The following SLC8A1 variants were observed in gnomAD, a reference collection of about 807,000 sequenced individuals.
The protein encoded by SLC8A1 is solute carrier family 8 member A1, also known as sodium/calcium exchanger 1.
SLC8A1 carries 18 observed loss-of-function variants against 68.3 expected under a neutral mutation model. The observed-to-expected ratio is 0.26, with a 90% CI of 0.18 to 0.39. SLC8A1 has a LOEUF of 0.39. SLC8A1 is among the 10% of genes least tolerant of loss of function. The probability of loss-of-function intolerance (pLI) is 1.00; values close to 1 mark genes in which losing one functional copy is unlikely to be tolerated. For synonymous variants in SLC8A1, 475 were observed against 415.5 expected, an observed-to-expected ratio of 1.14 and a Z score of -1.74; for missense variants, 985 against 1,156.7, an observed-to-expected ratio of 0.85 and a Z score of 2.15.
chr2:40,349,058 T>G (rs1459392488), intron 2 of SLC8A1, among the ~76,000 whole-genome samples: 2 of 152,160 alleles, frequency 1.3e-5, no homozygotes, highest in Non-Finnish European at 2.9e-5. Flanking sequence ...GCACACAGCT[T>G]CAAGGGCTTC....
intron 1 of SLC8A1, among the ~76,000 whole-genome samples, chr2:40,441,876 A>G (rs551281329): frequency 7.9e-4 from 121 of 152,260 alleles, no homozygotes; most frequent in African/African-American, 2.7e-3. Flanking sequence ...TCATGACTAC[A>G]TCACCAAAAG....
chr2:40,427,258 C>T (rs2149775541), intron 2 of SLC8A1, among the ~76,000 whole-genome samples: 1 of 152,096 alleles, frequency 6.6e-6, no homozygotes, highest in South Asian at 2.1e-4. Context: ...CTCTGCCCAT[C>T]CCCTCCCCCT....
In SLC8A1 at chr2:40,402,919, G is replaced by T. The variant is rs149671059; in HGVS notation, c.1808+25554C>A. Among the ~76,000 whole-genome samples the T allele has an allele frequency of 5.3e-4, 81 of 152,276 alleles. No homozygotes were observed. The East Asian group carries it at 0.012, about 23-fold the overall frequency. On this transcript the variant is annotated intron_variant, in intron 2 of 7. Transcript: ENST00000406785. ...AGCTACCAACACAATTGTGCCATTT[G>T]ATTTTTTATTTGTGACTTACTGTTC...
chr2:40,184,443 T>G (rs1295105490), intron 2 of SLC8A1, among the ~76,000 whole-genome samples: 1 of 152,122 alleles, frequency 6.6e-6, no homozygotes, highest in African/African-American at 2.4e-5. Flanking sequence ...TGTTTTCCCC[T>G]CTCAAGAAAT....
At chr2:40,161,261 C>T (rs547089417) in intron 5 of SLC8A1, among the ~76,000 whole-genome samples, 8 of 152,176 alleles carry the variant, frequency 5.3e-5, no homozygotes, top group South Asian at 2.1e-4. Context: ...TGCGAATAGC[C>T]GGAAGTGACA....
At chr2:40,122,880 C>T (rs35424315) in intron 7 of SLC8A1, among the ~76,000 whole-genome samples, 3,659 of 152,142 alleles carry the variant, frequency 0.024, 51 homozygotes, top group Non-Finnish European at 0.04. Context: ...GGAGGTGCCC[C>T]GGGCTTAGTT....
intron 1 of SLC8A1, among the ~76,000 whole-genome samples, chr2:40,443,096 G>A (rs1028173288): frequency 2.6e-5 from 4 of 152,012 alleles, no homozygotes; most frequent in African/African-American, 9.7e-5. Context: ...ACACACTGGG[G>A]CTTTCTGAGG....
intron 2 of SLC8A1, among the ~76,000 whole-genome samples, chr2:40,300,208 T>A (rs1197260657): frequency 6.6e-6 from 1 of 152,166 alleles, no homozygotes; most frequent in East Asian, 1.9e-4. Flanking sequence ...CCATATTAAA[T>A]ATATGCCAAG....
At chr2:40,256,322 G>T (rs534279585) in intron 2 of SLC8A1, among the ~76,000 whole-genome samples, 1 of 152,064 alleles carries the variant, frequency 6.6e-6, no homozygotes, top group Non-Finnish European at 1.5e-5. Flanking sequence ...TTCTAATGGG[G>T]TTACTCTAAT....
intron 2 of SLC8A1, among the ~76,000 whole-genome samples, chr2:40,395,012 T>A (rs79508111): frequency 0.036 from 5,511 of 152,282 alleles, 106 homozygotes; most frequent in African/African-American, 0.048. Context: ...CAAATGCTCA[T>A]GTCTGTGTAA....
chr2:40,474,878 G>A (rs1337146803), intron 1 of SLC8A1, among the ~76,000 whole-genome samples: 4 of 152,130 alleles, frequency 2.6e-5, no homozygotes, highest in African/African-American at 9.7e-5. Flanking sequence ...ATAGTTTGGA[G>A]TAATCATCTA....
intron 1 of SLC8A1, among the ~76,000 whole-genome samples, chr2:40,438,457 G>A (rs1466253139): frequency 1.3e-5 from 2 of 152,160 alleles, no homozygotes; most frequent in African/African-American, 4.8e-5. Flanking sequence ...AAGCCTCTAT[G>A]GAGTAGCTTC....
At chr2:40,144,892 T>G (rs1203155755) in intron 6 of SLC8A1, among the ~76,000 whole-genome samples, 1 of 152,206 alleles carries the variant, frequency 6.6e-6, no homozygotes, top group African/African-American at 2.4e-5. Context: ...CAAATTAACA[T>G]CTATCATCTC....
exon 8 of SLC8A1, chr2:40,100,416 C>A (rs529986702): frequency 6.6e-6 from 1 of 151,982 alleles, no homozygotes. Flanking sequence ...CCACTATGGA[C>A]GGCAAAAGTT....
intron 1 of SLC8A1, among the ~76,000 whole-genome samples, chr2:40,443,689 A>G (rs1559707947): frequency 6.6e-6 from 1 of 152,190 alleles, no homozygotes; most frequent in African/African-American, 2.4e-5. Context: ...TCTAGGGACT[A>G]AAAGAAATGA....
chr2:40,375,535 T>C (rs1679534455), intron 2 of SLC8A1, among the ~76,000 whole-genome samples: 1 of 152,142 alleles, frequency 6.6e-6, no homozygotes, highest in African/African-American at 2.4e-5. Context: ...CATAAAGTCC[T>C]CATTAAACTT....
chr2:40,361,473 T>G (rs10180623), intron 2 of SLC8A1, among the ~76,000 whole-genome samples: 23,386 of 151,656 alleles, frequency 0.15, 2,980 homozygotes, highest in African/African-American at 0.36. Context: ...CCTTTTTTTT[T>G]TTTTGTTTTG....
At chr2:40,325,777 C>CAAAA (rs3059526) in intron 2 of SLC8A1, among the ~76,000 whole-genome samples, 4 of 45,006 alleles carry the variant, frequency 8.9e-5, no homozygotes, top group Non-Finnish European at 1.7e-4. Flanking sequence ...ACTAAAAATA[C>CAAAA]AAAAAAAAAA....
intron 2 of SLC8A1, among the ~76,000 whole-genome samples, chr2:40,393,845 C>T (rs1314690867): frequency 6.6e-6 from 1 of 152,088 alleles, no homozygotes; most frequent in Non-Finnish European, 1.5e-5. Context: ...CCCAATCAAC[C>T]AAAATATTAT....
Sources: allele counts gnomAD v4.1 joint callset (sites outside exome capture counted in the v4.1 genomes callset), GRCh38; gene constraint gnomAD v4.1.1; transcripts MANE v1.5; gene names NCBI Gene and HGNC (gene_info 2026-07-23, HGNC 2026-07-21).